The following ADNP2 variants were observed in gnomAD, a reference collection of about 807,000 sequenced individuals.
ADNP2 encodes activity-dependent neuroprotector homeobox protein 2.
ADNP2 carries 8 observed loss-of-function variants against 16.4 expected under a neutral mutation model. The ratio of observed to expected loss-of-function variants is 0.49; its 90% CI spans 0.29 to 0.88. The LOEUF is 0.88. Among genes scored for constraint, ADNP2 ranks in the 40% least tolerant of loss-of-function variants. The pLI, the probability that ADNP2 is intolerant of heterozygous loss-of-function variation, is 0.09. For missense variants in ADNP2, 1,397 were observed against 1,395.1 expected (o/e 1.00, Z -0.02); for synonymous variants, 637 against 545.8 (o/e 1.17, Z -2.33).
chr18:80,110,690 C>T (rs1190363882), intron 1 of ADNP2, among the ~76,000 whole-genome samples: 3 of 152,064 alleles, frequency 2.0e-5, no homozygotes, highest in Non-Finnish European at 4.4e-5. Flanking sequence ...GGAGAGTTGG[C>T]CATGTATGAG....
At chr18:80,119,413 CAAA>C (rs5826687) in intron 2 of ADNP2, among the ~76,000 whole-genome samples, 58 of 113,660 alleles carry the variant, frequency 5.1e-4, no homozygotes, top group Admixed American at 2.3e-3. Context: ...GACTCCGTCT[CAAA>C]AAAAAAAAAA....
At position 80,138,896 on chromosome 18, in the gene ADNP2, G is replaced by A. The variant is rs1356006534; in HGVS notation, c.*87G>A. 6 of 1,243,366 alleles carry A rather than the reference G, an allele frequency of 4.8e-6. No homozygotes were observed. The East Asian group carries it at 1.3e-4, about 27-fold the overall frequency. 77.0% of individuals were successfully genotyped at this position (1,243,366 alleles called of 1,614,324 possible). A position where few individuals can be genotyped will look rare whatever the true frequency, so the allele number is the denominator to read the frequency against. ...TTCACAGTGTTGTCCTCACTGTGTT[G>A]GTGAATCAACCTCAGTGGTCACTGT... On this transcript the variant is annotated 3_prime_UTR_variant, in exon 4 of 4. Coordinates refer to ENST00000262198, the MANE Select transcript of ADNP2 (RefSeq NM_014913.4).
In ADNP2 at chr18:80,115,860, C is replaced by CT. The variant is rs2052385809; in HGVS notation, c.-13-1669dup. Among the ~76,000 whole-genome samples, 5 of 152,270 alleles carry CT rather than the reference C, an allele frequency of 3.3e-5. No homozygotes were observed. The South Asian group carries it at 1.0e-3, about 32-fold the overall frequency. The stretch of plus-strand genomic sequence containing the variant: ...GCGCGACCTCGGCTCACTGCAACCT[C>CT]TGTCTCCCAGGGTCAAGCAATTCTC... On this transcript the variant is annotated intron_variant, in intron 1 of 3. Transcript: ENST00000262198.
At position 80,138,885 on chromosome 18, in the gene ADNP2, C is replaced by A; in HGVS notation, c.*76C>A. On this transcript the variant is annotated 3_prime_UTR_variant, in exon 4 of 4. Coordinates refer to ENST00000262198, the MANE Select transcript of ADNP2 (RefSeq NM_014913.4). Reference sequence around the variant, plus strand: ...TCAGTTGAAATTTCACAGTGTTGTCCTCACTGTGTTGGTGAATCAACCTCA... The same window carrying A: ...TCAGTTGAAATTTCACAGTGTTGTCATCACTGTGTTGGTGAATCAACCTCA... 3 of 1,302,570 alleles carry A rather than the reference C, an allele frequency of 2.3e-6. No individual in the cohort carries two copies. The highest frequency in any genetic ancestry group is 3.1e-6 in the Non-Finnish European group (3 of 980,912). 80.7% of individuals were successfully genotyped at this position (1,302,570 alleles called of 1,614,324 possible). A position where few individuals can be genotyped will look rare whatever the true frequency, so the allele number is the denominator to read the frequency against.
intron 3 of ADNP2, among the ~76,000 whole-genome samples, chr18:80,134,907 A>G (rs1177222454): frequency 6.6e-6 from 1 of 152,168 alleles, no homozygotes; most frequent in Non-Finnish European, 1.5e-5. Flanking sequence ...CTTCTCTAGA[A>G]ATAGAGGAAG....
In ADNP2 at chr18:80,137,130, A is replaced by AC; in HGVS notation, c.1719dup (p.Asn574GlnfsTer144). 1.9e-6 allele frequency: 3 copies of AC among 1,614,162 alleles called. No individual in the cohort carries two copies. The highest frequency in any genetic ancestry group is 2.5e-6 in the Non-Finnish European group (3 of 1,180,028). On this transcript the variant is annotated frameshift_variant, in exon 4 of 4. Coordinates refer to ENST00000262198, the MANE Select transcript of ADNP2 (RefSeq NM_014913.4). LOFTEE classifies it low-confidence loss of function (END_TRUNC). The surrounding 1 kb of genome is among the most constrained non-coding windows in gnomAD (Gnocchi z 4.2). The stretch of plus-strand genomic sequence containing the variant: ...CTTGCAACTCAACCAGACTGTGGGC[A>AC]CCAACATTCTGCCTGTGAATCAGCC...
At chr18:80,131,566 A>G (rs2052496459) in intron 2 of ADNP2, among the ~76,000 whole-genome samples, 2 of 101,938 alleles carry the variant, frequency 2.0e-5, no homozygotes, top group Non-Finnish European at 4.3e-5. Flanking sequence ...CAAGATGAAG[A>G]TTCTTTTTTT....
chr18:80,138,509 G>A lies in ADNP2; in HGVS notation c.3096G>A (p.Lys1032=), dbSNP rs1317669812. 4 of 1,614,114 alleles carry A rather than the reference G, an allele frequency of 2.5e-6. No individual in the cohort carries two copies. Among genetic ancestry groups the A allele is most frequent in the Non-Finnish European group, 3.4e-6 (4 of 1,180,030 alleles). Residue 1032 remains lysine, a synonymous_variant, in exon 4 of 4, where the codon AAG becomes AAA. Transcript: ENST00000262198. ...GCAGAACAGAGGGACCTATTGTCAA[G>A]GACGAGGCTCTTCAGATTTTAGCAT... ...NESRTEGPIV[K]DEALQILALD... is the part of the protein sequence containing the mutation.
Position 80,136,458 on chromosome 18 carries a change from C to A in ADNP2, c.1045C>A (p.Pro349Thr). The change falls in exon 4 of 4, where the codon CCC becomes ACC. Residue 349 changes from proline to threonine, a missense_variant. Around this residue, in one of 3 missense-constraint regions of ADNP2, gnomAD observed 777 missense variants for 719.4 expected, o/e 1.08. Transcript: ENST00000262198. ...GGGCCAGAACAGCCTCACCCTGCAG[C>A]CCCCAGCACCTCAGCCCGTCTTTCT... ...PVGQNSLTLQ[P>T]PAPQPVFLSH... 2 of 1,614,168 alleles carry A rather than the reference C, an allele frequency of 1.2e-6. No individual in the cohort carries two copies. The highest frequency in any genetic ancestry group is 1.7e-6 in the Non-Finnish European group (2 of 1,180,024).
intron 2 of ADNP2, among the ~76,000 whole-genome samples, chr18:80,126,864 C>T (rs927263493): frequency 4.6e-5 from 7 of 152,220 alleles, no homozygotes; most frequent in African/African-American, 1.4e-4. Flanking sequence ...TTGCTCTCCA[C>T]AGTCAACCAC....
intron 1 of ADNP2, among the ~76,000 whole-genome samples, chr18:80,115,109 G>A (rs555421127): frequency 1.3e-5 from 2 of 152,314 alleles, no homozygotes; most frequent in South Asian, 2.1e-4. Context: ...TGTTAGGGCC[G>A]TATTGTAAGA....
Position 80,136,472 on chromosome 18 carries a change from G to A in ADNP2, c.1059G>A (p.Gln353=), listed in dbSNP as rs769788054. 8.7e-6 allele frequency: 14 copies of A among 1,614,066 alleles called. No homozygotes were observed. The highest frequency in any genetic ancestry group is 1.1e-5 in the Non-Finnish European group (13 of 1,180,038). The change falls in exon 4 of 4, where the codon CAG becomes CAA. Residue 353 remains glutamine, a synonymous_variant. Coordinates refer to ENST00000262198, the MANE Select transcript of ADNP2 (RefSeq NM_014913.4). ...NSLTLQPPAP[Q]PVFLSHGVPL... ...TCACCCTGCAGCCCCCAGCACCTCA[G>A]CCCGTCTTTCTTTCTCACGGGGTTC...
chr18:80,121,721 A>T (rs1300520221), intron 2 of ADNP2, among the ~76,000 whole-genome samples: 1 of 152,198 alleles, frequency 6.6e-6, no homozygotes, highest in Non-Finnish European at 1.5e-5. Context: ...TTGTATAAGT[A>T]GGAGTCCGGT....
intron 2 of ADNP2, among the ~76,000 whole-genome samples, chr18:80,127,831 T>C (rs2052470491): frequency 6.6e-6 from 1 of 152,214 alleles, no homozygotes; most frequent in African/African-American, 2.4e-5. Flanking sequence ...AAGGGGTCAT[T>C]CCCCTCTCCC....
At chr18:80,120,740 C>T (rs1346488248) in intron 2 of ADNP2, among the ~76,000 whole-genome samples, 3 of 152,074 alleles carry the variant, frequency 2.0e-5, no homozygotes, top group Non-Finnish European at 2.9e-5. Flanking sequence ...CTGCAACCTC[C>T]GACTCCCTGG....
chr18:80,115,981 TC>T (rs1217988119), intron 1 of ADNP2, among the ~76,000 whole-genome samples: 9 of 152,158 alleles, frequency 5.9e-5, no homozygotes, highest in Non-Finnish European at 8.8e-5. Flanking sequence ...GCCAGGCTGG[TC>T]TTGAACTCCT....
At chr18:80,129,144 TC>T (rs2052480087) in intron 2 of ADNP2, among the ~76,000 whole-genome samples, 1 of 149,544 alleles carries the variant, frequency 6.7e-6, no homozygotes, top group African/African-American at 2.5e-5. Flanking sequence ...CGCTCTGTCT[TC>T]CAGGCTGCAG....
intron 2 of ADNP2, among the ~76,000 whole-genome samples, chr18:80,130,590 T>C (rs2052489572): frequency 6.6e-6 from 1 of 152,214 alleles, no homozygotes; most frequent in Non-Finnish European, 1.5e-5. Flanking sequence ...ATGTTTTTCT[T>C]GTACACCTTC....
intron 2 of ADNP2, among the ~76,000 whole-genome samples, chr18:80,120,630 C>T (rs569610591): frequency 1.3e-3 from 199 of 152,026 alleles, no homozygotes; most frequent in Non-Finnish European, 2.4e-3. Flanking sequence ...AGCCACTACA[C>T]CTGGCCCATG....
Sources: gnomAD v4.1 joint callset for allele counts (sites outside exome capture counted in the v4.1 genomes callset) on GRCh38, gnomAD v4.1.1 for gene constraint, gnomAD v4.1.1 regional missense constraint, Gnocchi (gnomAD v3.1) non-coding constraint, MANE v1.5 for transcripts, NCBI Gene and HGNC (gene_info 2026-07-23, HGNC 2026-07-21) for gene names.